The following CSMD1 variants were observed in gnomAD, a reference collection of about 807,000 sequenced individuals.
CSMD1 encodes the protein CUB and sushi domain-containing protein 1.
Under a neutral mutation model 417.5 loss-of-function variants are expected in CSMD1, and 213 were observed. The ratio of observed to expected loss-of-function variants is 0.51; its 90% CI spans 0.46 to 0.57. The LOEUF is 0.57. Among genes scored for constraint, CSMD1 ranks in the 20% least tolerant of loss-of-function variants. CSMD1 has a pLI of 0.00. For missense variants in CSMD1, 6,923 were observed against 4,529.7 expected, an observed-to-expected ratio of 1.53 and a Z score of -15.17; for synonymous variants, 2,862 against 1,736.8, an observed-to-expected ratio of 1.65 and a Z score of -16.11.
intron 5 of CSMD1, among the ~76,000 whole-genome samples, chr8:3,761,108 T>C (rs963356347): frequency 1.2e-4 from 18 of 152,212 alleles, no homozygotes; most frequent in Admixed American, 1.0e-3. Context: ...GTTACTCACA[T>C]TGTAAGTGAA....
At chr8:3,636,137 T>C (rs1019129839) in intron 7 of CSMD1, among the ~76,000 whole-genome samples, 20 of 152,348 alleles carry the variant, frequency 1.3e-4, no homozygotes, top group African/African-American at 4.8e-4. Context: ...CACATTAGCC[T>C]AGGCCTACAA....
chr8:4,914,392 C>T (rs546742248), intron 1 of CSMD1, among the ~76,000 whole-genome samples: 15 of 151,946 alleles, frequency 9.9e-5, no homozygotes, highest in African/African-American at 3.4e-4. Context: ...CTGGCTAACA[C>T]GGTGAAACTC....
intron 4 of CSMD1, among the ~76,000 whole-genome samples, chr8:4,012,928 G>C (rs564660516): frequency 1.3e-5 from 2 of 151,946 alleles, no homozygotes; most frequent in Non-Finnish European, 2.9e-5. Flanking sequence ...TCTTTAAACA[G>C]CATTCTGAGT....
At chr8:4,175,106 C>G (rs534945788) in intron 3 of CSMD1, among the ~76,000 whole-genome samples, 3 of 151,940 alleles carry the variant, frequency 2.0e-5, no homozygotes, top group Non-Finnish European at 2.9e-5. Flanking sequence ...AAATTTCTGC[C>G]AAGAATAATA....
At chr8:4,122,794 A>C (rs1802559457) in intron 3 of CSMD1, among the ~76,000 whole-genome samples, 1 of 150,014 alleles carries the variant, frequency 6.7e-6, no homozygotes, top group Non-Finnish European at 1.5e-5. Flanking sequence ...GTCTTCCATC[A>C]AAAAAACAAA....
chr8:3,527,963 G>A (rs985365348), intron 10 of CSMD1, among the ~76,000 whole-genome samples: 3 of 152,040 alleles, frequency 2.0e-5, no homozygotes, highest in African/African-American at 7.2e-5. Context: ...AGATTCTGTG[G>A]CCTCCGCCCA....
chr8:3,756,242 A>G (rs1486214943), intron 5 of CSMD1, among the ~76,000 whole-genome samples: 1 of 151,066 alleles, frequency 6.6e-6, no homozygotes, highest in African/African-American at 2.5e-5. Context: ...AGTCCCAGCT[A>G]CTCGGGAGGC....
intron 10 of CSMD1, among the ~76,000 whole-genome samples, chr8:3,506,459 C>T (rs1405000202): frequency 6.6e-6 from 1 of 152,174 alleles, no homozygotes; most frequent in Non-Finnish European, 1.5e-5. Context: ...CACCACTGGT[C>T]ATGGCCAGAA....
intron 10 of CSMD1, among the ~76,000 whole-genome samples, chr8:3,565,826 T>C (rs928327685): frequency 2.6e-5 from 4 of 152,166 alleles, no homozygotes; most frequent in African/African-American, 7.2e-5. Flanking sequence ...ATTGTTTTTT[T>C]TTTCTCCCCA....
intron 3 of CSMD1, among the ~76,000 whole-genome samples, chr8:4,204,080 G>A (rs1420414264): frequency 1.3e-5 from 2 of 152,116 alleles, no homozygotes; most frequent in Non-Finnish European, 2.9e-5. Flanking sequence ...CAGCCTGGGT[G>A]ACAGAACAAG....
At chr8:3,993,182 G>A (rs141635995) in intron 5 of CSMD1, among the ~76,000 whole-genome samples, 1 of 152,314 alleles carries the variant, frequency 6.6e-6, no homozygotes, top group East Asian at 1.9e-4. Context: ...AGGAAGCTAG[G>A]TTTAGGATAT....
At chr8:4,215,253 C>T (rs1176503653) in intron 3 of CSMD1, among the ~76,000 whole-genome samples, 1 of 152,174 alleles carries the variant, frequency 6.6e-6, no homozygotes, top group Non-Finnish European at 1.5e-5. Flanking sequence ...TGCTTTTCTC[C>T]TGTTCATAGC....
At chr8:4,374,185 C>T (rs547456037) in intron 3 of CSMD1, among the ~76,000 whole-genome samples, 40 of 152,234 alleles carry the variant, frequency 2.6e-4, no homozygotes, top group South Asian at 1.2e-3. Context: ...CTCTGAGTTC[C>T]AGTCCAGGGT....
At chr8:4,898,366 C>T (rs1804641746) in intron 1 of CSMD1, among the ~76,000 whole-genome samples, 1 of 151,320 alleles carries the variant, frequency 6.6e-6, no homozygotes, top group African/African-American at 2.5e-5. Flanking sequence ...TTCTGTGTCA[C>T]ACCTGCCATT....
At chr8:3,912,334 G>A (rs377451403) in intron 5 of CSMD1, among the ~76,000 whole-genome samples, 12 of 152,116 alleles carry the variant, frequency 7.9e-5, no homozygotes, top group African/African-American at 2.9e-4. Context: ...TAATCAATCT[G>A]GTTTCAGTCA....
intron 7 of CSMD1, among the ~76,000 whole-genome samples, chr8:3,655,663 T>G (rs1344851145): frequency 6.8e-5 from 3 of 43,900 alleles, no homozygotes; most frequent in Admixed American, 1.9e-4. Flanking sequence ...GGTTGCGTTT[T>G]TTTTTTTTTT....
chr8:4,581,885 A>T lies in CSMD1; in HGVS notation c.302+55457T>A, dbSNP rs181354026. Among the ~76,000 whole-genome samples the T allele has an allele frequency of 5.3e-4, 80 of 152,284 alleles. 1 individual carries two copies. Among genetic ancestry groups the T allele is most frequent in the Middle Eastern group, 3.4e-3 (1 of 294 alleles). On this transcript the variant is annotated intron_variant, in intron 2 of 69. Coordinates refer to ENST00000635120, the MANE Select transcript of CSMD1 (RefSeq NM_033225.6). The stretch of plus-strand genomic sequence containing the variant: ...TTCTACCTCCTCCAGATCTGCTGTG[A>T]ATTGTCCCCTACATCCACCATCAAC...
intron 2 of CSMD1, among the ~76,000 whole-genome samples, chr8:4,434,488 A>C (rs1182063335): frequency 2.0e-5 from 3 of 152,208 alleles, no homozygotes; most frequent in Admixed American, 2.0e-4. Flanking sequence ...AGAAGGAAAG[A>C]AACAACAAAA....
intron 6 of CSMD1, among the ~76,000 whole-genome samples, chr8:3,720,162 C>T (rs1164571449): frequency 6.6e-6 from 1 of 152,178 alleles, no homozygotes. Context: ...CTTCACCGCA[C>T]ACAGGAAGCT....
Sources: allele counts gnomAD v4.1 joint callset (sites outside exome capture counted in the v4.1 genomes callset), GRCh38; gene constraint gnomAD v4.1.1; transcripts MANE v1.5; gene names NCBI Gene and HGNC (gene_info 2026-07-23, HGNC 2026-07-21).